The following GABRA2 variants were observed in gnomAD, a reference collection of about 807,000 sequenced individuals.
The protein encoded by GABRA2 is gamma-aminobutyric acid receptor subunit alpha-2.
Under a neutral mutation model 48.7 loss-of-function variants are expected in GABRA2, and 16 were observed. The observed-to-expected ratio is 0.33, with a 90% CI of 0.22 to 0.50. The LOEUF (loss-of-function observed/expected upper bound fraction) is 0.50. Among genes scored for constraint, GABRA2 ranks in the 20% least tolerant of loss-of-function variants. The probability of loss-of-function intolerance (pLI) is 0.98; values close to 1 mark genes in which losing one functional copy is unlikely to be tolerated. For missense variants in GABRA2, 275 were observed against 535.6 expected (o/e 0.51, Z 4.80); for synonymous variants, 185 against 184.5 (o/e 1.00, Z -0.02).
chr4:46,246,900 C>A lies in GABRA2; in HGVS notation c.*3408G>T, dbSNP rs1488979546. On this transcript the variant is annotated 3_prime_UTR_variant, in exon 10 of 10. Transcript: ENST00000381620. ...CTTCTTTCATTGGAATGATGACCGG[C>A]CATGCCAAAGAAAAGTACTTTGGTG... Among the ~76,000 whole-genome samples the A allele has an allele frequency of 6.6e-6, 1 of 151,026 alleles. No homozygotes were observed. Among genetic ancestry groups the A allele is most frequent in the African/African-American group, 2.4e-5 (1 of 41,304 alleles).
chr4:46,322,051 C>A (rs1244509067), intron 4 of GABRA2, among the ~76,000 whole-genome samples: 4 of 152,028 alleles, frequency 2.6e-5, no homozygotes, highest in African/African-American at 7.2e-5. Context: ...CCAATAGAAC[C>A]AGTTCAGTAA....
intron 8 of GABRA2, among the ~76,000 whole-genome samples, chr4:46,283,576 ATGATCAATCCAAACATAGCCCTTTTGGAG>A (rs1445428532): frequency 6.6e-6 from 1 of 152,092 alleles, no homozygotes; most frequent in Non-Finnish European, 1.5e-5. Flanking sequence ...AAGGAGAAAA[ATGATCAATCCAAACATAGCCCTTTTGGAG>A]TTTGAATTAC....
Position 46,390,046 on chromosome 4 carries a change from A to T in GABRA2, c.-322T>A. 1 of 83,276 alleles carries T rather than the reference A, an allele frequency of 1.2e-5. No homozygotes were observed. The highest frequency in any genetic ancestry group is 1.5e-5 in the Non-Finnish European group (1 of 66,132). The allele number at this position is 83,276 out of a possible 1,614,324, so 5.2% of individuals were successfully genotyped here. A position where few individuals can be genotyped will look rare whatever the true frequency, so the allele number is the denominator to read the frequency against. Reference sequence around the variant, plus strand: ...GGAGGAGGGGGAAAACGATGACAGGAGCTGGGGCCGGGGGGGGAAATTGGG... The same window carrying T: ...GGAGGAGGGGGAAAACGATGACAGGTGCTGGGGCCGGGGGGGGAAATTGGG... On this transcript the variant is annotated 5_prime_UTR_variant, in exon 1 of 10. Transcript: ENST00000381620.
intron 1 of GABRA2, chr4:46,389,432 G>A (rs1170692752): frequency 4.1e-6 from 4 of 982,458 alleles, no homozygotes; most frequent in Non-Finnish European, 4.8e-6. Context: ...GTGAGGCTCC[G>A]GCAGCAAACA....
At chr4:46,379,701 C>T (rs1343175895) in intron 3 of GABRA2, among the ~76,000 whole-genome samples, 1 of 152,206 alleles carries the variant, frequency 6.6e-6, no homozygotes, top group African/African-American at 2.4e-5. Flanking sequence ...AGATTCTCAG[C>T]TGCCTCATGC....
intron 3 of GABRA2, among the ~76,000 whole-genome samples, chr4:46,383,473 A>G (rs1040450955): frequency 1.3e-4 from 20 of 152,338 alleles, no homozygotes; most frequent in African/African-American, 4.6e-4. Flanking sequence ...AAGCATCAAC[A>G]TTTATTTTAT....
At chr4:46,309,122 A>C (rs1727194333) in intron 6 of GABRA2, among the ~76,000 whole-genome samples, 1 of 152,184 alleles carries the variant, frequency 6.6e-6, no homozygotes, top group South Asian at 2.1e-4. Flanking sequence ...TTTGTAGTTA[A>C]ATAAAGAGAA....
chr4:46,354,101 A>G (rs1326639330), intron 3 of GABRA2, among the ~76,000 whole-genome samples: 1 of 152,152 alleles, frequency 6.6e-6, no homozygotes, highest in Non-Finnish European at 1.5e-5. Context: ...TTTTGCACAC[A>G]TTATTTTATT....
intron 3 of GABRA2, among the ~76,000 whole-genome samples, chr4:46,375,679 T>G (rs956943775): frequency 5.9e-5 from 9 of 152,142 alleles, no homozygotes; most frequent in African/African-American, 1.9e-4. Context: ...GACAGAATAC[T>G]TAAAGTTCAA....
At chr4:46,305,443 C>T (rs1432034374) in intron 7 of GABRA2, 125 bp downstream of exon 7, 2 of 770,482 alleles carry the variant, frequency 2.6e-6, no homozygotes, top group East Asian at 2.6e-5. Flanking sequence ...CTCCCAAGCA[C>T]AGCCTATGCT....
intron 4 of GABRA2, among the ~76,000 whole-genome samples, chr4:46,319,621 T>G (rs1163852842): frequency 6.6e-6 from 1 of 151,726 alleles, no homozygotes. Flanking sequence ...GTAAACCCAA[T>G]TAGTACAAGC....
At chr4:46,319,457 T>TA (rs534804040) in intron 4 of GABRA2, among the ~76,000 whole-genome samples, 1 of 151,766 alleles carries the variant, frequency 6.6e-6, no homozygotes, top group Non-Finnish European at 1.5e-5. Context: ...TGCAACAATG[T>TA]AAAAAATATC....
chr4:46,309,128 G>C (rs1003837260), intron 6 of GABRA2, among the ~76,000 whole-genome samples: 16 of 152,222 alleles, frequency 1.1e-4, no homozygotes, highest in Admixed American at 5.9e-4. Flanking sequence ...GTTAAATAAA[G>C]AGAAGATTCT....
At chr4:46,358,057 G>A (rs1736293000) in intron 3 of GABRA2, among the ~76,000 whole-genome samples, 1 of 152,104 alleles carries the variant, frequency 6.6e-6, no homozygotes, top group South Asian at 2.1e-4. Flanking sequence ...CCTAGTATAT[G>A]AGACACACTT....
chr4:46,283,208 CAG>C (rs1315441598), intron 8 of GABRA2, among the ~76,000 whole-genome samples: 2 of 152,256 alleles, frequency 1.3e-5, no homozygotes, highest in African/African-American at 4.8e-5. Flanking sequence ...TAATGACACA[CAG>C]AAATTATTAA....
intron 3 of GABRA2, among the ~76,000 whole-genome samples, chr4:46,345,510 T>C (rs1031619327): frequency 2.6e-5 from 4 of 151,832 alleles, no homozygotes; most frequent in Non-Finnish European, 4.4e-5. Context: ...TAATGGGAGA[T>C]GGAAGAAATA....
rs2109365832 is a variant in GABRA2 at position 46,248,712 on chromosome 4, C to T, written c.*1596G>A. On this transcript the variant is annotated 3_prime_UTR_variant, in exon 10 of 10. Transcript: ENST00000381620. The stretch of plus-strand genomic sequence containing the variant: ...CCTTTTATTGATTTTATGAACATAC[C>T]TATTTATGCACTATACTCAAATACT... The T allele has an allele frequency of 6.6e-6, 1 of 151,384 alleles. No homozygotes were observed. Among genetic ancestry groups the T allele is most frequent in the African/African-American group, 2.4e-5 (1 of 41,424 alleles). The allele number at this position is 151,384 out of a possible 1,614,324, so 9.4% of individuals were successfully genotyped here.
intron 5 of GABRA2, among the ~76,000 whole-genome samples, chr4:46,310,640 G>C (rs1727487210): frequency 6.6e-6 from 1 of 151,930 alleles, no homozygotes; most frequent in Non-Finnish European, 1.5e-5. Context: ...AACAAACACA[G>C]AGCAAAATTG....
chr4:46,331,149 T>C (rs530176947), intron 4 of GABRA2, among the ~76,000 whole-genome samples: 23 of 152,196 alleles, frequency 1.5e-4, no homozygotes, highest in Non-Finnish European at 2.2e-4. Flanking sequence ...TTTTTCCTCT[T>C]GTACCAGAAT....
Sources: allele counts gnomAD v4.1 joint callset (sites outside exome capture counted in the v4.1 genomes callset), GRCh38; gene constraint gnomAD v4.1.1; transcripts MANE v1.5; gene names NCBI Gene and HGNC (gene_info 2026-07-23, HGNC 2026-07-21).